Variants in KIAA1217 observed in about 807,000 individuals in gnomAD.
The protein encoded by KIAA1217 is sickle tail protein homolog.
KIAA1217 carries 88 observed loss-of-function variants against 163.9 expected under a neutral mutation model. That is an observed-to-expected ratio of 0.54 (90% CI 0.45 to 0.64). The LOEUF (loss-of-function observed/expected upper bound fraction) is 0.64, where lower values mean the gene tolerates loss of function less well. KIAA1217 is among the 30% of genes least tolerant of loss of function. The pLI is 0.00. For synonymous variants in KIAA1217, 903 were observed against 923.1 expected (o/e 0.98, Z 0.39); for missense variants, 2,372 against 2,475.0 (o/e 0.96, Z 0.88).
intron 1 of KIAA1217, among the ~76,000 whole-genome samples, chr10:23,933,629 T>C (rs1843347131): frequency 6.6e-6 from 1 of 152,112 alleles, no homozygotes; most frequent in Non-Finnish European, 1.5e-5. Context: ...GAGAAAAGTT[T>C]TGCAATCTAC....
intron 2 of KIAA1217, among the ~76,000 whole-genome samples, chr10:24,358,860 T>C (rs922700509): frequency 2.0e-5 from 3 of 152,208 alleles, no homozygotes; most frequent in African/African-American, 4.8e-5. Context: ...TGCATATATA[T>C]ACACATACAC....
intron 1 of KIAA1217, among the ~76,000 whole-genome samples, chr10:23,726,180 T>C (rs1838119699): frequency 6.6e-6 from 1 of 152,088 alleles, no homozygotes; most frequent in Non-Finnish European, 1.5e-5. Flanking sequence ...TAAATTCATC[T>C]TTTTACAGTT....
chr10:23,716,170 T>A (rs1588652071), intron 1 of KIAA1217, among the ~76,000 whole-genome samples: 1 of 152,138 alleles, frequency 6.6e-6, no homozygotes, highest in Non-Finnish European at 1.5e-5. Context: ...ACATAATAGA[T>A]GTTGTGCACA....
At chr10:23,727,146 C>A (rs920199841) in intron 1 of KIAA1217, among the ~76,000 whole-genome samples, 1 of 152,022 alleles carries the variant, frequency 6.6e-6, no homozygotes, top group Non-Finnish European at 1.5e-5. Flanking sequence ...TGCCACCAAG[C>A]CTGGCTGCTT....
intron 1 of KIAA1217, among the ~76,000 whole-genome samples, chr10:23,805,145 C>T (rs1346518267): frequency 2.0e-5 from 3 of 152,012 alleles, no homozygotes; most frequent in East Asian, 1.9e-4. Flanking sequence ...ACCATTCGAC[C>T]TAGCAATCTC....
At chr10:24,182,676 A>G (rs1248827949) in intron 2 of KIAA1217, among the ~76,000 whole-genome samples, 1 of 152,166 alleles carries the variant, frequency 6.6e-6, no homozygotes, top group Non-Finnish European at 1.5e-5. Flanking sequence ...TTAATGTAGT[A>G]TATTAATCAG....
At chr10:24,300,268 C>T (rs2041150906) in intron 2 of KIAA1217, among the ~76,000 whole-genome samples, 1 of 152,160 alleles carries the variant, frequency 6.6e-6, no homozygotes, top group African/African-American at 2.4e-5. Context: ...TAGTCAGTTT[C>T]CTTTTGGGAG....
In KIAA1217 at chr10:24,544,220, T is replaced by C. The variant is rs2075435647; in HGVS notation, c.4950T>C (p.Ser1650=). 2 of 1,613,992 alleles carry C rather than the reference T, an allele frequency of 1.2e-6. No individual in the cohort carries two copies. Among genetic ancestry groups the C allele is most frequent in the Non-Finnish European group, 8.5e-7 (1 of 1,180,002 alleles). ...RQEQPSIEST[S]PISRTDEIRK... is the part of the protein sequence containing the mutation. ...AGCAGCCCAGCATCGAGAGTACATCTCCGATTTCAAGAACTGATGAAATTA... is the reference window on the plus strand; with the variant it reads ...AGCAGCCCAGCATCGAGAGTACATCCCCGATTTCAAGAACTGATGAAATTA... Residue 1650 remains serine, a synonymous_variant, in exon 19 of 21, where the codon TCT becomes TCC. Coordinates refer to ENST00000376454, the MANE Select transcript of KIAA1217 (RefSeq NM_019590.5).
chr10:23,913,005 T>C (rs1842499186), intron 1 of KIAA1217, among the ~76,000 whole-genome samples: 1 of 152,162 alleles, frequency 6.6e-6, no homozygotes, highest in Non-Finnish European at 1.5e-5. Flanking sequence ...TTCTGAGTTG[T>C]CTATGTAGCA....
chr10:23,716,586 C>A (rs1837583739), intron 1 of KIAA1217, among the ~76,000 whole-genome samples: 1 of 152,170 alleles, frequency 6.6e-6, no homozygotes, highest in Admixed American at 6.6e-5. Context: ...TTACAACCAA[C>A]TTCTCCCTCT....
intron 2 of KIAA1217, among the ~76,000 whole-genome samples, chr10:24,025,685 C>T (rs1355080651): frequency 1.3e-5 from 2 of 151,600 alleles, no homozygotes; most frequent in East Asian, 3.9e-4. Flanking sequence ...CTTAATTTCC[C>T]TCAGCAAAGT....
At chr10:24,297,059 A>T (rs2040706516) in intron 2 of KIAA1217, among the ~76,000 whole-genome samples, 1 of 152,206 alleles carries the variant, frequency 6.6e-6, no homozygotes, top group Non-Finnish European at 1.5e-5. Context: ...TTTGATATTA[A>T]AGGCTTGTTA....
chr10:24,326,289 A>G (rs368780400), intron 2 of KIAA1217, among the ~76,000 whole-genome samples: 2 of 152,120 alleles, frequency 1.3e-5, no homozygotes, highest in Non-Finnish European at 2.9e-5. Context: ...CAAGATGTTG[A>G]TATTAACACC....
intron 2 of KIAA1217, among the ~76,000 whole-genome samples, chr10:24,262,032 T>C (rs1194012940): frequency 6.6e-6 from 1 of 152,150 alleles, no homozygotes; most frequent in Non-Finnish European, 1.5e-5. Flanking sequence ...ATCAGATCCA[T>C]ATCACAGCTC....
intron 1 of KIAA1217, among the ~76,000 whole-genome samples, chr10:23,897,970 T>C (rs1841778753): frequency 6.6e-6 from 1 of 152,042 alleles, no homozygotes; most frequent in Non-Finnish European, 1.5e-5. Flanking sequence ...TCAATTTCCC[T>C]TTTCTTACAA....
intron 2 of KIAA1217, among the ~76,000 whole-genome samples, chr10:24,125,774 A>G (rs748510635): frequency 3.9e-5 from 6 of 152,220 alleles, no homozygotes; most frequent in Non-Finnish European, 8.8e-5. Flanking sequence ...CAAGGATATT[A>G]GTAACAAATA....
chr10:24,291,803 T>A (rs2079115408), intron 2 of KIAA1217, among the ~76,000 whole-genome samples: 1 of 152,188 alleles, frequency 6.6e-6, no homozygotes, highest in Admixed American at 6.5e-5. Context: ...CTCTTGCAGA[T>A]TTTTTAGATC....
chr10:23,804,721 T>C (rs1047312725), intron 1 of KIAA1217, among the ~76,000 whole-genome samples: 2 of 152,192 alleles, frequency 1.3e-5, no homozygotes, highest in African/African-American at 4.8e-5. Flanking sequence ...AATATCATAT[T>C]TATGGCATAT....
At chr10:24,293,462 A>C (rs906594565) in intron 2 of KIAA1217, among the ~76,000 whole-genome samples, 9 of 152,142 alleles carry the variant, frequency 5.9e-5, no homozygotes, top group African/African-American at 2.2e-4. Context: ...TCCACTCTAG[A>C]GGAAAGCACC....
Sources: gnomAD v4.1 joint callset for allele counts (sites outside exome capture counted in the v4.1 genomes callset) on GRCh38, gnomAD v4.1.1 for gene constraint, MANE v1.5 for transcripts, NCBI Gene and HGNC (gene_info 2026-07-23, HGNC 2026-07-21) for gene names.